DNAH6: variants seen among roughly 807,000 people sequenced by gnomAD.
DNAH6 encodes the protein axonemal beta dynein heavy chain 6.
In DNAH6, 340 loss-of-function variants were observed where a neutral mutation model predicts 491.4. That is an observed-to-expected ratio of 0.69 (90% CI 0.63 to 0.76). The LOEUF (loss-of-function observed/expected upper bound fraction) is 0.76. Ranked by LOEUF, DNAH6 falls within the 30% of genes least tolerant of loss-of-function variation. The probability of loss-of-function intolerance (pLI) is 0.00; values close to 1 mark genes in which losing one functional copy is unlikely to be tolerated. For synonymous variants in DNAH6, 1,603 were observed against 1,686.1 expected (o/e 0.95, Z 1.21); for missense variants, 4,443 against 4,972.2 (o/e 0.89, Z 3.20).
chr2:84,715,496 T>C (rs983091592), intron 57 of DNAH6, 64 bp from the exon 58 acceptor site: 1 of 1,475,372 alleles, frequency 6.8e-7, no homozygotes, highest in African/African-American at 1.4e-5. Context: ...TGTGTTCTAA[T>C]AAAGAAAGGT....
chr2:84,461,415 C>T, the DNAH6 span, among the ~76,000 whole-genome samples: 1 of 152,280 alleles, frequency 6.6e-6, no homozygotes, highest in African/African-American at 2.4e-5. Context: ...CGGGAACACC[C>T]CTACCTCAAT....
chr2:84,530,991 T>G (rs1047304153), intron 4 of DNAH6, among the ~76,000 whole-genome samples: 1 of 152,128 alleles, frequency 6.6e-6, no homozygotes, highest in South Asian at 2.1e-4. Context: ...CCCAAGGTAG[T>G]ACGGGCACAG....
Position 84,556,826 on chromosome 2 carries a change from C to T in DNAH6, c.1603-909C>T, listed in dbSNP as rs1009405330. 3.9e-5 allele frequency among the ~76,000 whole-genome samples: 6 copies of T among 152,228 alleles called. 1 individual carries two copies. The highest frequency in any genetic ancestry group is 1.4e-4 in the African/African-American group (6 of 41,548). On this transcript the variant is annotated intron_variant, in intron 10 of 76. Coordinates refer to ENST00000389394, the MANE Select transcript of DNAH6 (RefSeq NM_001370.2). Reference sequence around the variant, plus strand: ...TATATCCTGCTCACTCTCTTTTATTCGAACTTAACATTATATCATAAGCTT... The same window carrying T: ...TATATCCTGCTCACTCTCTTTTATTTGAACTTAACATTATATCATAAGCTT...
At position 84,640,171 on chromosome 2, in the gene DNAH6, C is replaced by T. The variant is rs116280075; in HGVS notation, c.4822-259C>T. ...AAGCTGGGCTCTTCTGTTCCTTGAA[C>T]CAAATGTCCCCAAAGCTACATCTTC... On this transcript the variant is annotated intron_variant, in intron 31 of 76. Transcript: ENST00000389394. Among the ~76,000 whole-genome samples the T allele has an allele frequency of 7.8e-3, 1,191 of 152,096 alleles. 21 individuals carry two copies. Among genetic ancestry groups the T allele is most frequent in the African/African-American group, 0.027 (1,121 of 41,468 alleles).
At chr2:84,780,928 C>A (rs1035762713) in intron 64 of DNAH6, among the ~76,000 whole-genome samples, 2 of 152,110 alleles carry the variant, frequency 1.3e-5, no homozygotes, top group African/African-American at 2.4e-5. Flanking sequence ...TTGGCTTTCA[C>A]AGATGTTGTG....
In DNAH6 at chr2:84,653,452, C is replaced by T. The variant is rs1169850815; in HGVS notation, c.5212C>T (p.Gln1738Ter). The T allele has an allele frequency of 1.3e-6, 2 of 1,551,196 alleles. No individual in the cohort carries two copies. Among genetic ancestry groups the T allele is most frequent in the Non-Finnish European group, 1.7e-6 (2 of 1,146,670 alleles). The change falls in exon 34 of 77, where the codon CAG becomes TAG. Residue 1738 changes from glutamine to a stop codon, truncating the protein, a stop_gained. Coordinates refer to ENST00000389394, the MANE Select transcript of DNAH6 (RefSeq NM_001370.2). LOFTEE classifies it high-confidence loss of function. ...PEMCMVRKVI[Q>*]FYETMLVRHG... is the part of the protein sequence containing the mutation. ...GATGTGTATGGTTAGAAAGGTGATA[C>T]AGTTTTATGAAACTATGCTAGTAAG...
chr2:84,703,525 T>C lies in DNAH6; in HGVS notation c.8192T>C (p.Met2731Thr). 1 of 1,551,338 alleles carries C rather than the reference T, an allele frequency of 6.4e-7. No homozygotes were observed. Among genetic ancestry groups the C allele is most frequent in the Non-Finnish European group, 8.7e-7 (1 of 1,146,760 alleles). The stretch of plus-strand genomic sequence containing the variant: ...AAATCAGAAGATGTTGAAGCCCTGA[T>C]GGAAAAATTGGCAGTGGATCAAGAA... ...LAKSEDVEALMEKLAVDQESA... is the reference protein window; with the variant it reads ...LAKSEDVEALTEKLAVDQESA... The change falls in exon 50 of 77, where the codon ATG becomes ACG. Residue 2731 changes from methionine to threonine, a missense_variant. This residue lies in a region of DNAH6 where 2,977 missense variants were observed against 3,296.6 expected (regional missense o/e 0.90). Coordinates refer to ENST00000389394, the MANE Select transcript of DNAH6 (RefSeq NM_001370.2).
At chr2:84,765,684 A>G (rs1176508276) in intron 64 of DNAH6, among the ~76,000 whole-genome samples, 1 of 152,118 alleles carries the variant, frequency 6.6e-6, no homozygotes, top group Admixed American at 6.5e-5. Context: ...AAAATGAAGT[A>G]TAGTAAACCA....
chr2:84,640,659 C>A, intron 32 of DNAH6, 81 bp downstream of exon 32: 1 of 1,313,006 alleles, frequency 7.6e-7, no homozygotes, highest in Non-Finnish European at 1.0e-6. Flanking sequence ...GAAAGGCTCT[C>A]AGAGAGTAAC....
At chr2:84,507,109 A>G in the DNAH6 span, among the ~76,000 whole-genome samples, 1 of 151,964 alleles carries the variant, frequency 6.6e-6, no homozygotes, top group Non-Finnish European at 1.5e-5. Context: ...GAAGAAAGTC[A>G]TTGGTAGCTT....
At chr2:84,593,757 G>A (rs1298521819) in intron 16 of DNAH6, among the ~76,000 whole-genome samples, 2 of 150,722 alleles carry the variant, frequency 1.3e-5, no homozygotes, top group Non-Finnish European at 3.0e-5. Flanking sequence ...ACCAGGAGTT[G>A]TATTTTGTTT....
rs548174516 is a variant in DNAH6, at chr2:84,801,269, GAAAA to G, written c.11481+3622_11481+3625del. On this transcript the variant is annotated intron_variant, in intron 70 of 76. Coordinates refer to ENST00000389394, the MANE Select transcript of DNAH6 (RefSeq NM_001370.2). ...AATTAAAAAAAAAGAAAAAGAAAAA[GAAAA>G]AAAAAAAAAAGAAAGTAAGCAACTG... Among the ~76,000 whole-genome samples, 12 of 110,526 alleles carry G rather than the reference GAAAA, an allele frequency of 1.1e-4. No homozygotes were observed. The East Asian group carries it at 2.9e-3, about 26-fold the overall frequency. 72.5% of individuals were successfully genotyped at this position (110,526 alleles called of 152,430 possible). A position where few individuals can be genotyped will look rare whatever the true frequency, so the allele number is the denominator to read the frequency against.
intron 53 of DNAH6, 48 bp from the exon 54 acceptor site, chr2:84,707,472 T>G: frequency 6.9e-7 from 1 of 1,459,244 alleles, no homozygotes; most frequent in Non-Finnish European, 9.2e-7. Flanking sequence ...TTTAATACTT[T>G]ATGAAAATAT....
intron 53 of DNAH6, 106 bp from the exon 54 acceptor site, chr2:84,707,414 T>G: frequency 9.5e-7 from 1 of 1,050,970 alleles, no homozygotes; most frequent in Non-Finnish European, 1.3e-6. Context: ...TTGACATCAT[T>G]AGCTAAATAA....
chr2:84,602,566 G>A (rs1685354510), intron 18 of DNAH6, among the ~76,000 whole-genome samples: 1 of 131,200 alleles, frequency 7.6e-6, no homozygotes, highest in African/African-American at 2.8e-5. Flanking sequence ...TAGGAGTAGA[G>A]TATGCCTAGG....
chr2:84,559,625 G>T lies in DNAH6; in HGVS notation c.1803+1690G>T, dbSNP rs572437898. On this transcript the variant is annotated intron_variant, in intron 11 of 76. Coordinates refer to ENST00000389394, the MANE Select transcript of DNAH6 (RefSeq NM_001370.2). ...AATAAAATAAAACATATTTCATTTT[G>T]CTCTACTGACAGAACAGAATGCTCT... is the stretch of plus-strand genomic sequence containing the variant. Among the ~76,000 whole-genome samples the T allele has an allele frequency of 2.0e-5, 3 of 152,116 alleles. No individual in the cohort carries two copies. The East Asian group carries it at 5.8e-4, about 29-fold the overall frequency.
chr2:84,667,736 C>T (rs1251794828), intron 37 of DNAH6, among the ~76,000 whole-genome samples: 1 of 152,212 alleles, frequency 6.6e-6, no homozygotes, highest in Non-Finnish European at 1.5e-5. Context: ...CATCCCATTA[C>T]TGGGTATATA....
chr2:84,630,179 C>G (rs1430782744), intron 29 of DNAH6, among the ~76,000 whole-genome samples: 1 of 151,962 alleles, frequency 6.6e-6, no homozygotes, highest in Non-Finnish European at 1.5e-5. Context: ...CTAATAAATG[C>G]AGAAGGGATG....
the DNAH6 span, among the ~76,000 whole-genome samples, chr2:84,471,762 C>T: frequency 2.0e-5 from 3 of 152,222 alleles, no homozygotes; most frequent in Non-Finnish European, 1.5e-5. Context: ...GTTAGTAAAT[C>T]TACTGAAACA....
Sources: gnomAD v4.1 joint callset for allele counts (sites outside exome capture counted in the v4.1 genomes callset) on GRCh38, gnomAD v4.1.1 for gene constraint, gnomAD v4.1.1 regional missense constraint, MANE v1.5 for transcripts, NCBI Gene and HGNC (gene_info 2026-07-23, HGNC 2026-07-21) for gene names.